The following NEMP2 variants were observed in gnomAD, a reference collection of about 807,000 sequenced individuals.
NEMP2 encodes UPF0571 transmembrane protein.
NEMP2 carries 53 observed loss-of-function variants against 54.2 expected under a neutral mutation model. The observed-to-expected ratio is 0.98, with a 90% confidence interval of 0.78 to 1.23. The LOEUF (loss-of-function observed/expected upper bound fraction) is 1.23. NEMP2 is among the 50% of genes most tolerant of loss of function. The pLI is 0.00. For synonymous variants in NEMP2, 197 were observed against 190.3 expected (o/e 1.04, Z -0.29); for missense variants, 455 against 511.3 (o/e 0.89, Z 1.06).
chr2:190,423,910 T>C, the NEMP2 span, among the ~76,000 whole-genome samples: 1 of 152,210 alleles, frequency 6.6e-6, no homozygotes, highest in Non-Finnish European at 1.5e-5. This position sits in a 1 kb window ranked among gnomAD's most constrained non-coding sequence, Gnocchi z 4.3. Flanking sequence ...ATCTTTTCAT[T>C]TGTATCTATG....
the NEMP2 span, among the ~76,000 whole-genome samples, chr2:190,482,992 C>A: frequency 2.1e-5 from 3 of 144,608 alleles, no homozygotes; most frequent in Non-Finnish European, 3.0e-5. Flanking sequence ...CCCGGGTTCA[C>A]GCCATTCTCC....
the NEMP2 span, among the ~76,000 whole-genome samples, chr2:190,477,556 AC>A: frequency 6.6e-6 from 1 of 152,220 alleles, no homozygotes; most frequent in Non-Finnish European, 1.5e-5. Context: ...AGAGGAAAAA[AC>A]AAATGCTGTG....
At chr2:190,580,100 C>T in the NEMP2 span, among the ~76,000 whole-genome samples, 80 of 152,208 alleles carry the variant, frequency 5.3e-4, no homozygotes, top group African/African-American at 1.9e-3. The surrounding 1 kb of genome is among the most constrained non-coding windows in gnomAD (Gnocchi z 5.3). Context: ...AGGCCTGGGG[C>T]GAGGCCTAAG....
At chr2:190,621,023 A>C in the NEMP2 span, among the ~76,000 whole-genome samples, 6 of 152,238 alleles carry the variant, frequency 3.9e-5, no homozygotes, top group Non-Finnish European at 7.3e-5. Context: ...TAAAAAGGAT[A>C]AAATAATAAA....
At chr2:190,438,563 A>G in the NEMP2 span, among the ~76,000 whole-genome samples, 3 of 152,064 alleles carry the variant, frequency 2.0e-5, no homozygotes, top group African/African-American at 7.2e-5. This position sits in a 1 kb window ranked among gnomAD's most constrained non-coding sequence, Gnocchi z 5.2. Context: ...GTTGTGTACT[A>G]TTTCTTCTCA....
chr2:190,476,925 A>G, the NEMP2 span, among the ~76,000 whole-genome samples: 1 of 151,958 alleles, frequency 6.6e-6, no homozygotes, highest in African/African-American at 2.4e-5. Flanking sequence ...GAAGCTGGAA[A>G]CCATCATTCT....
the NEMP2 span, among the ~76,000 whole-genome samples, chr2:190,615,190 C>A: frequency 6.6e-6 from 1 of 152,058 alleles, no homozygotes; most frequent in African/African-American, 2.4e-5. This position sits in a 1 kb window ranked among gnomAD's most constrained non-coding sequence, Gnocchi z 4.7. Flanking sequence ...ACAAGACTTC[C>A]CCCAAATTCA....
At chr2:190,496,595 T>A in the NEMP2 span, among the ~76,000 whole-genome samples, 9 of 151,766 alleles carry the variant, frequency 5.9e-5, no homozygotes, top group Non-Finnish European at 1.3e-4. The surrounding 1 kb of genome is among the most constrained non-coding windows in gnomAD (Gnocchi z 4.7). Context: ...AATCAATGAG[T>A]GGATAAAGAA....
chr2:190,564,930 G>T, the NEMP2 span, among the ~76,000 whole-genome samples: 1 of 152,232 alleles, frequency 6.6e-6, no homozygotes, highest in African/African-American at 2.4e-5. The surrounding 1 kb of genome is among the most constrained non-coding windows in gnomAD (Gnocchi z 4.2). Context: ...ATAGTCTAAA[G>T]TGTGTGCAGT....
the NEMP2 span, among the ~76,000 whole-genome samples, chr2:190,604,262 T>C: frequency 1.3e-5 from 2 of 152,148 alleles, no homozygotes; most frequent in South Asian, 2.1e-4. This position sits in a 1 kb window ranked among gnomAD's most constrained non-coding sequence, Gnocchi z 4.5. Context: ...CGTTTGAGGG[T>C]GACTAGAGGG....
the NEMP2 span, among the ~76,000 whole-genome samples, chr2:190,493,938 G>A: frequency 6.6e-6 from 1 of 151,728 alleles, no homozygotes; most frequent in African/African-American, 2.4e-5. Flanking sequence ...GACAATCTAA[G>A]GTCACACCTC....
In NEMP2 at chr2:190,514,438, A is replaced by G; in HGVS notation, c.953+15T>C. ...CAAAATGTCAAATTTGCTGGGGGAA[A>G]AAAATGATACATACCACCTCATATA... On this transcript the variant is annotated intron_variant, in intron 7 of 8. Transcript: ENST00000409150. The surrounding 1 kb of genome is among the most constrained non-coding windows in gnomAD (Gnocchi z 5.7). 4 of 1,547,298 alleles carry G rather than the reference A, an allele frequency of 2.6e-6. No individual in the cohort carries two copies. Among genetic ancestry groups the G allele is most frequent in the Non-Finnish European group, 3.5e-6 (4 of 1,144,410 alleles).
At chr2:190,550,017 A>T in the NEMP2 span, among the ~76,000 whole-genome samples, 1 of 152,194 alleles carries the variant, frequency 6.6e-6, no homozygotes, top group African/African-American at 2.4e-5. This position sits in a 1 kb window ranked among gnomAD's most constrained non-coding sequence, Gnocchi z 4.7. Context: ...GATCACACTG[A>T]TATTTCTAAT....
the NEMP2 span, among the ~76,000 whole-genome samples, chr2:190,444,573 G>A: frequency 3.2e-4 from 49 of 152,140 alleles, no homozygotes; most frequent in African/African-American, 2.4e-4. Context: ...TGGTTCCATC[G>A]AAGTCATCAT....
the NEMP2 span, among the ~76,000 whole-genome samples, chr2:190,457,372 A>G: frequency 6.6e-6 from 1 of 152,122 alleles, no homozygotes; most frequent in Non-Finnish European, 1.5e-5. The surrounding 1 kb of genome is among the most constrained non-coding windows in gnomAD (Gnocchi z 5.1). Flanking sequence ...TTAGTATGTG[A>G]AAAAAACCAC....
the NEMP2 span, among the ~76,000 whole-genome samples, chr2:190,566,225 G>A: frequency 6.6e-6 from 1 of 152,208 alleles, no homozygotes; most frequent in South Asian, 2.1e-4. Context: ...ATGTCAGAGA[G>A]CATTCTATGA....
the NEMP2 span, chr2:190,436,615 C>T: frequency 8.1e-6 from 13 of 1,614,040 alleles, no homozygotes; most frequent in Middle Eastern, 1.6e-4. This position sits in a 1 kb window ranked among gnomAD's most constrained non-coding sequence, Gnocchi z 5.3. Context: ...ACCAAAAATG[C>T]GTGAGAAAAG....
the NEMP2 span, among the ~76,000 whole-genome samples, chr2:190,599,986 CA>C: frequency 3.5e-4 from 54 of 152,302 alleles, no homozygotes; most frequent in Middle Eastern, 3.4e-3. Flanking sequence ...CTTTCACACA[CA>C]CTCTCCTGCT....
At chr2:190,430,798 G>C in the NEMP2 span, among the ~76,000 whole-genome samples, 15 of 121,298 alleles carry the variant, frequency 1.2e-4, no homozygotes, top group Admixed American at 3.5e-4. Flanking sequence ...GGGCAGAGGC[G>C]CCCCCCCCAC....
Sources: gnomAD v4.1 joint callset for allele counts (sites outside exome capture counted in the v4.1 genomes callset) on GRCh38, gnomAD v4.1.1 for gene constraint, Gnocchi (gnomAD v3.1) non-coding constraint, MANE v1.5 for transcripts, NCBI Gene and HGNC (gene_info 2026-07-23, HGNC 2026-07-21) for gene names.